Variants in RASSF2 observed in about 807,000 individuals in gnomAD.
The protein encoded by RASSF2 is Ras association domain family member 2, also known as ras association domain-containing protein 2.
A neutral mutation model predicts 46.3 loss-of-function variants in RASSF2; 34 were observed. That is an observed-to-expected ratio of 0.73 (90% confidence interval 0.56 to 0.98). The LOEUF (loss-of-function observed/expected upper bound fraction) is 0.98, where lower values mean the gene tolerates loss of function less well. Among genes scored for constraint, RASSF2 ranks in the 50% least tolerant of loss-of-function variants. RASSF2 has a pLI of 0.00. For synonymous variants in RASSF2, 158 were observed against 162.5 expected (o/e 0.97, Z 0.21); for missense variants, 364 against 431.2 (o/e 0.84, Z 1.38).
At chr20:4,800,924 G>T in intron 3 of RASSF2, 48 bp downstream of exon 3, 4 of 1,509,212 alleles carry the variant, frequency 2.7e-6, no homozygotes, top group Non-Finnish European at 3.7e-6. Context: ...CAACATCCCA[G>T]CACGGGACTG....
chr20:4,815,948 A>C (rs7265017), intron 2 of RASSF2, among the ~76,000 whole-genome samples: 2 of 152,252 alleles, frequency 1.3e-5, no homozygotes, highest in Non-Finnish European at 2.9e-5. Flanking sequence ...CAAATACCAC[A>C]GCTGTCTCCC....
intron 2 of RASSF2, among the ~76,000 whole-genome samples, chr20:4,811,770 A>T (rs2423032): frequency 6.6e-6 from 1 of 151,850 alleles, no homozygotes; most frequent in South Asian, 2.1e-4. Flanking sequence ...CCCAGGCCCC[A>T]AGTCTGATGC....
chr20:4,800,720 C>T (rs1478252406), intron 3 of RASSF2, among the ~76,000 whole-genome samples: 1 of 152,164 alleles, frequency 6.6e-6, no homozygotes, highest in African/African-American at 2.4e-5. Context: ...TTTTGAGCCC[C>T]CAAAGTTTCT....
chr20:4,814,537 G>A (rs572852377), intron 2 of RASSF2, among the ~76,000 whole-genome samples: 1 of 152,242 alleles, frequency 6.6e-6, no homozygotes, highest in East Asian at 1.9e-4. Flanking sequence ...AAACCCAAAA[G>A]CTAGGATCGC....
chr20:4,785,974 G>T (rs531116354), intron 11 of RASSF2, among the ~76,000 whole-genome samples: 3 of 152,286 alleles, frequency 2.0e-5, no homozygotes, highest in African/African-American at 7.2e-5. Flanking sequence ...TCTTTTCAGA[G>T]TCTTTCCATA....
intron 11 of RASSF2, 24 bp from the exon 12 acceptor site, chr20:4,784,366 A>G (rs2122388443): frequency 6.2e-7 from 1 of 1,608,988 alleles, no homozygotes; most frequent in Non-Finnish European, 8.5e-7. Flanking sequence ...ACAGGCTCAG[A>G]TGGAGAGCAG....
At chr20:4,820,207 T>C (rs1285357584) in intron 2 of RASSF2, among the ~76,000 whole-genome samples, 1 of 152,156 alleles carries the variant, frequency 6.6e-6, no homozygotes, top group Non-Finnish European at 1.5e-5. Flanking sequence ...CTTGAGGACA[T>C]TTATACATTC....
At position 4,812,203 on chromosome 20, in the gene RASSF2, T is replaced by A. The variant is rs77627686; in HGVS notation, c.-33+10126A>T. On this transcript the variant is annotated intron_variant, in intron 2 of 11. Coordinates refer to ENST00000379400, the MANE Select transcript of RASSF2 (RefSeq NM_014737.3). This position sits in a 1 kb window ranked among gnomAD's most constrained non-coding sequence, Gnocchi z 4.0. ...GGGCATGGGCAAAATGTGGGCTGCC[T>A]CGGAAGGAAATGGCATACTCTGCCT... Among the ~76,000 whole-genome samples, 3,070 of 152,278 alleles carry A rather than the reference T, an allele frequency of 0.02. 91 individuals carry two copies. The highest frequency in any genetic ancestry group is 0.07 in the African/African-American group (2,891 of 41,552).
rs1239537374 is a variant in RASSF2 at position 4,787,695 on chromosome 20, A to G, written c.751T>C (p.Cys251Arg). The G allele has an allele frequency of 6.2e-7, 1 of 1,614,112 alleles. No individual in the cohort carries two copies. The highest frequency in any genetic ancestry group is 8.5e-7 in the Non-Finnish European group (1 of 1,180,028). The change falls in exon 10 of 12, where the codon TGT (cysteine) becomes CGT (arginine). Residue 251 changes from cysteine (C) to arginine (R), a missense_variant. By Grantham distance (180) the Cys-to-Arg change is radical. Coordinates refer to ENST00000379400, the MANE Select transcript of RASSF2 (RefSeq NM_014737.3). ...PLIARILQGP[C>R]EQISKVFLME... is the part of the protein sequence containing the mutation. Reference sequence around the variant, plus strand: ...AGGAACACTTTGGAGATCTGCTCACATGGGCCCTGGAGGATTCGGGCAATC... The same window carrying G: ...AGGAACACTTTGGAGATCTGCTCACGTGGGCCCTGGAGGATTCGGGCAATC...
rs57038377 is a variant in RASSF2, at chr20:4,812,559, T to C, written c.-33+9770A>G. 0.041 allele frequency among the ~76,000 whole-genome samples: 6,242 copies of C among 152,282 alleles called. 418 individuals carry two copies. Among genetic ancestry groups the C allele is most frequent in the African/African-American group, 0.14 (5,864 of 41,532 alleles). ...TCCCACTTGAGTGTGTATTGGAATC[T>C]CTCCGAGGGCTCGTTAAAATACAGA... On this transcript the variant is annotated intron_variant, in intron 2 of 11. Coordinates refer to ENST00000379400, the MANE Select transcript of RASSF2 (RefSeq NM_014737.3). This position sits in a 1 kb window ranked among gnomAD's most constrained non-coding sequence, Gnocchi z 4.0.
At chr20:4,807,164 T>G (rs1407100846) in intron 2 of RASSF2, among the ~76,000 whole-genome samples, 1 of 152,146 alleles carries the variant, frequency 6.6e-6, no homozygotes, top group Non-Finnish European at 1.5e-5. Context: ...TTTTTTAAAA[T>G]ATCACTAGAG....
At position 4,781,846 on chromosome 20, in the gene RASSF2, T is replaced by C. The variant is rs1319354492; in HGVS notation, c.*2427A>G. 2 of 152,246 alleles carry C rather than the reference T, an allele frequency of 1.3e-5. No individual in the cohort carries two copies. The highest frequency in any genetic ancestry group is 1.3e-4 in the Admixed American group (2 of 15,270). The allele number at this position is 152,246 out of a possible 1,614,324, so 9.4% of individuals were successfully genotyped here. A position where few individuals can be genotyped will look rare whatever the true frequency, so the allele number is the denominator to read the frequency against. ...ACAAATCGGTCGAAGAGTTCAAAAC[T>C]GCAAGACCATGTGATACCAGTGAGA... On this transcript the variant is annotated 3_prime_UTR_variant, in exon 12 of 12. Coordinates refer to ENST00000379400, the MANE Select transcript of RASSF2 (RefSeq NM_014737.3).
chr20:4,798,453 T>A (rs1421657759), intron 3 of RASSF2, among the ~76,000 whole-genome samples: 1 of 152,120 alleles, frequency 6.6e-6, no homozygotes, highest in Non-Finnish European at 1.5e-5. Flanking sequence ...ACACAGCGAT[T>A]CTCCTGCATG....
chr20:4,784,511 G>A (rs1322365951), intron 11 of RASSF2, among the ~76,000 whole-genome samples, 169 bp from the exon 12 acceptor site: 1 of 130,314 alleles, frequency 7.7e-6, no homozygotes, highest in African/African-American at 2.9e-5. Flanking sequence ...TGTTGCTTAT[G>A]TTCATTCCTA....
At chr20:4,816,688 A>T (rs149550436) in intron 2 of RASSF2, among the ~76,000 whole-genome samples, 1 of 152,230 alleles carries the variant, frequency 6.6e-6, no homozygotes, top group African/African-American at 2.4e-5. Context: ...GAAGATCGAA[A>T]TCTCGCAAAC....
intron 2 of RASSF2, among the ~76,000 whole-genome samples, chr20:4,813,468 C>T (rs1036141805): frequency 6.6e-6 from 1 of 152,176 alleles, no homozygotes. Context: ...GCCTCCAGCT[C>T]CACCCCAGTG....
At chr20:4,800,502 C>T (rs773050807) in intron 3 of RASSF2, among the ~76,000 whole-genome samples, 6 of 152,304 alleles carry the variant, frequency 3.9e-5, no homozygotes, top group Middle Eastern at 3.4e-3. Context: ...CTTCTCACTG[C>T]GTCCTCACAC....
At position 4,793,644 on chromosome 20, in the gene RASSF2, T is replaced by A. The variant is rs188262286; in HGVS notation, c.288-1017A>T. ...CCGGTCTCAGCATCCTTATTTTTTT[T>A]TTTTATTTTATTTTTTTGTAGAGAC... On this transcript the variant is annotated intron_variant, in intron 5 of 11. Transcript: ENST00000379400. Among the ~76,000 whole-genome samples, 100 of 152,094 alleles carry A rather than the reference T, an allele frequency of 6.6e-4. No homozygotes were observed. The East Asian group carries it at 8.1e-3, about 12-fold the overall frequency.
In RASSF2 at chr20:4,790,543, C is replaced by A; in HGVS notation, c.445G>T (p.Val149Leu). 6.5e-6 allele frequency: 10 copies of A among 1,535,048 alleles called. No homozygotes were observed. The highest frequency in any genetic ancestry group is 1.7e-4 in the Middle Eastern group (1 of 5,850). ...QLMRTRSDVG[V>L]RRRGNVRTPS... ...GTCCTCACATTGCCACGGCGACGCA[C>A]CCCAACATCACTGCGTGTGCGCATC... Residue 149 changes from valine to leucine, a missense_variant, in exon 7 of 12, where the codon GTG becomes TTG. Coordinates refer to ENST00000379400, the MANE Select transcript of RASSF2 (RefSeq NM_014737.3). This position sits in a 1 kb window ranked among gnomAD's most constrained non-coding sequence, Gnocchi z 4.3.
Sources: allele counts gnomAD v4.1 joint callset (sites outside exome capture counted in the v4.1 genomes callset), GRCh38; gene constraint gnomAD v4.1.1; non-coding constraint Gnocchi (gnomAD v3.1); transcripts MANE v1.5; gene names NCBI Gene and HGNC (gene_info 2026-07-23, HGNC 2026-07-21).